The following PDCD6IP variants were observed in gnomAD, a reference collection of about 807,000 sequenced individuals.
PDCD6IP encodes the protein programmed cell death 6-interacting protein.
In PDCD6IP, 43 loss-of-function variants were observed where a neutral mutation model predicts 103.7. The ratio of observed to expected loss-of-function variants is 0.41; its 90% CI spans 0.32 to 0.53. The LOEUF (loss-of-function observed/expected upper bound fraction) is 0.53, where lower values mean the gene tolerates loss of function less well. Ranked by LOEUF, PDCD6IP falls within the 20% of genes least tolerant of loss-of-function variation. The pLI, the probability that PDCD6IP is intolerant of heterozygous loss-of-function variation, is 0.16. For synonymous variants in PDCD6IP, 354 were observed against 378.7 expected (o/e 0.93, Z 0.76); for missense variants, 871 against 1,036.7 (o/e 0.84, Z 2.20).
At chr3:33,854,136 C>A in intron 14 of PDCD6IP, 123 bp downstream of exon 14, 2 of 1,090,360 alleles carry the variant, frequency 1.8e-6, no homozygotes. Flanking sequence ...AGCTTTAATG[C>A]CATTGCTGCT....
In PDCD6IP at chr3:33,841,716, G is replaced by C. The variant is rs558113599; in HGVS notation, c.1182-181G>C. Among the ~76,000 whole-genome samples, 4 of 152,230 alleles carry C rather than the reference G, an allele frequency of 2.6e-5. No individual in the cohort carries two copies. The East Asian group carries it at 7.7e-4, about 29-fold the overall frequency. ...GCCTCCCAAAGTGCTGGGATTACAC[G>C]CGTGAGCCACCGCGCCCGGCCTTTG... On this transcript the variant is annotated intron_variant, in intron 9 of 17. Coordinates refer to ENST00000307296, the MANE Select transcript of PDCD6IP (RefSeq NM_013374.6).
intron 9 of PDCD6IP, among the ~76,000 whole-genome samples, chr3:33,839,462 T>C (rs1018816934): frequency 1.1e-4 from 12 of 114,192 alleles, no homozygotes; most frequent in Non-Finnish European, 2.1e-4. Flanking sequence ...TTTATGGTTA[T>C]AGGGCAGTAT....
intron 3 of PDCD6IP, among the ~76,000 whole-genome samples, chr3:33,816,010 C>T (rs1696841568): frequency 6.6e-6 from 1 of 152,148 alleles, no homozygotes; most frequent in Non-Finnish European, 1.5e-5. Flanking sequence ...TCATATCTTA[C>T]AGGAACCAGG....
At chr3:33,849,830 A>G (rs1697674398) in intron 12 of PDCD6IP, among the ~76,000 whole-genome samples, 1 of 152,244 alleles carries the variant, frequency 6.6e-6, no homozygotes, top group South Asian at 2.1e-4. Context: ...AGTGTACTGC[A>G]TATGAATTTT....
chr3:33,803,650 A>T (rs889203243), intron 1 of PDCD6IP, among the ~76,000 whole-genome samples: 7 of 152,128 alleles, frequency 4.6e-5, no homozygotes, highest in Non-Finnish European at 1.0e-4. Context: ...CATAATCTGT[A>T]GTTAACATTT....
intron 7 of PDCD6IP, 80 bp downstream of exon 7, chr3:33,829,049 C>T: frequency 8.2e-7 from 1 of 1,218,852 alleles, no homozygotes; most frequent in Non-Finnish European, 1.1e-6. Context: ...CAAGTTTGCC[C>T]ATAAAAACCT....
intron 7 of PDCD6IP, among the ~76,000 whole-genome samples, chr3:33,829,899 A>C (rs964316012): frequency 6.6e-6 from 1 of 152,146 alleles, no homozygotes; most frequent in Non-Finnish European, 1.5e-5. Flanking sequence ...CTGTGGTGAA[A>C]GGTAGAAAGG....
chr3:33,823,513 G>A (rs555353365), intron 4 of PDCD6IP, among the ~76,000 whole-genome samples: 6 of 152,236 alleles, frequency 3.9e-5, no homozygotes, highest in Non-Finnish European at 4.4e-5. Context: ...GCTGGGCGTG[G>A]TGGCTCACGC....
chr3:33,830,488 C>T (rs1156517126), intron 7 of PDCD6IP, among the ~76,000 whole-genome samples: 1 of 152,146 alleles, frequency 6.6e-6, no homozygotes, highest in African/African-American at 2.4e-5. Flanking sequence ...GAAACTATTT[C>T]AGATTCACAC....
chr3:33,806,350 T>C (rs1221650668), intron 1 of PDCD6IP, among the ~76,000 whole-genome samples: 1 of 152,218 alleles, frequency 6.6e-6, no homozygotes, highest in Non-Finnish European at 1.5e-5. Flanking sequence ...TATTACTCTT[T>C]AGGAAAGGTT....
chr3:33,837,393 A>C (rs372914622), intron 8 of PDCD6IP, among the ~76,000 whole-genome samples: 1 of 152,234 alleles, frequency 6.6e-6, no homozygotes, highest in Non-Finnish European at 1.5e-5. Context: ...AGTGTTTACC[A>C]TGTGCCAGGC....
rs1423283423 is a variant in PDCD6IP, at chr3:33,813,335, G to A, written c.265-224G>A. ...TAAAGATGAATAAGATAGTGTTTAT[G>A]ATTACCAAGGCAGAATGACCATTTG... On this transcript the variant is annotated intron_variant, in intron 2 of 17. Transcript: ENST00000307296. 9.4e-5 allele frequency: 39 copies of A among 412,830 alleles called. 1 individual carries two copies. The highest frequency in any genetic ancestry group is 5.6e-4 in the South Asian group (12 of 21,584). The allele number at this position is 412,830 out of a possible 1,614,324, so 25.6% of individuals were successfully genotyped here.
chr3:33,851,219 G>A (rs866263958), intron 12 of PDCD6IP, among the ~76,000 whole-genome samples: 8 of 151,890 alleles, frequency 5.3e-5, no homozygotes, highest in African/African-American at 1.9e-4. Flanking sequence ...GACAGGGCTC[G>A]TGATGTCCTC....
chr3:33,858,671 G>T (rs1326620151), intron 15 of PDCD6IP, among the ~76,000 whole-genome samples: 1 of 152,050 alleles, frequency 6.6e-6, no homozygotes, highest in African/African-American at 2.4e-5. Flanking sequence ...CTAGCTGGGC[G>T]TGGTGGCGGG....
chr3:33,830,757 A>T (rs1404338996), intron 7 of PDCD6IP, among the ~76,000 whole-genome samples: 1 of 152,174 alleles, frequency 6.6e-6, no homozygotes, highest in East Asian at 1.9e-4. Context: ...ATTTCAGAGG[A>T]CAGTTATTCT....
chr3:33,868,612 C>G lies in PDCD6IP; in HGVS notation c.*2087C>G, dbSNP rs1698118451. 1 of 152,272 alleles carries G rather than the reference C, an allele frequency of 6.6e-6. No individual in the cohort carries two copies. Among genetic ancestry groups the G allele is most frequent in the African/African-American group, 2.4e-5 (1 of 41,436 alleles). 9.4% of individuals were successfully genotyped at this position (152,272 alleles called of 1,614,324 possible). A position where few individuals can be genotyped will look rare whatever the true frequency, so the allele number is the denominator to read the frequency against. On this transcript the variant is annotated 3_prime_UTR_variant, in exon 18 of 18. Coordinates refer to ENST00000307296, the MANE Select transcript of PDCD6IP (RefSeq NM_013374.6). ...CTTTTTAATCACCTGTGTCTGGGCA[C>G]AGACAATCACAATAAATGCAGCCCT...
chr3:33,858,536 C>T (rs984640695), intron 15 of PDCD6IP, among the ~76,000 whole-genome samples: 4 of 152,056 alleles, frequency 2.6e-5, no homozygotes, highest in African/African-American at 4.8e-5. Flanking sequence ...TGCGGCCAGG[C>T]GCGGTGGCTC....
At chr3:33,833,769 G>GT (rs1356740926) in intron 7 of PDCD6IP, among the ~76,000 whole-genome samples, 3 of 152,020 alleles carry the variant, frequency 2.0e-5, no homozygotes, top group Non-Finnish European at 2.9e-5. Context: ...TTTCCTTATG[G>GT]TTTTTTTGTA....
intron 15 of PDCD6IP, among the ~76,000 whole-genome samples, chr3:33,860,788 A>G (rs764405794): frequency 6.6e-6 from 1 of 152,162 alleles, no homozygotes; most frequent in African/African-American, 2.4e-5. Flanking sequence ...CTACTGTTGA[A>G]TATTTTGAGT....
Sources: gnomAD v4.1 joint callset for allele counts (sites outside exome capture counted in the v4.1 genomes callset) on GRCh38, gnomAD v4.1.1 for gene constraint, MANE v1.5 for transcripts, NCBI Gene and HGNC (gene_info 2026-07-23, HGNC 2026-07-21) for gene names.